The following INSL6 variants were observed in gnomAD, a reference collection of about 807,000 sequenced individuals.
INSL6 encodes insulin like 6.
In INSL6, 16 loss-of-function variants were observed where a neutral mutation model predicts 9.4. The ratio of observed to expected loss-of-function variants is 1.70; its 90% CI spans 1.15 to 2.59. The LOEUF is 2.59. INSL6 is among the 30% of genes most tolerant of loss of function. The pLI is 0.00. For missense variants in INSL6, 391 were observed against 257.3 expected, an observed-to-expected ratio of 1.52 and a Z score of -3.56; for synonymous variants, 154 against 96.9, an observed-to-expected ratio of 1.59 and a Z score of -3.46.
intron 2 of INSL6, among the ~76,000 whole-genome samples, chr9:5,156,594 T>A (rs1295140698): frequency 6.6e-6 from 1 of 152,144 alleles, no homozygotes; most frequent in Non-Finnish European, 1.5e-5. Context: ...TTCAGCTAGA[T>A]AAAATGTATC....
the INSL6 span, among the ~76,000 whole-genome samples, chr9:5,058,754 T>G: frequency 2.0e-5 from 3 of 152,196 alleles, no homozygotes; most frequent in Non-Finnish European, 2.9e-5. Context: ...AAGTAGTATC[T>G]CATTGTGATT....
the INSL6 span, among the ~76,000 whole-genome samples, chr9:5,079,771 A>G: frequency 4.6e-5 from 7 of 152,212 alleles, no homozygotes; most frequent in South Asian, 2.1e-4. Context: ...GTGAGCTGCA[A>G]TCGTGCCATT....
the INSL6 span, chr9:5,078,272 G>A: frequency 6.3e-7 from 1 of 1,585,520 alleles, no homozygotes; most frequent in African/African-American, 1.4e-5. Context: ...CTTGTGGACT[G>A]ATATTTGAAT....
chr9:5,162,586 T>C (rs944147002), downstream of INSL6, among the ~76,000 whole-genome samples: 1 of 152,224 alleles, frequency 6.6e-6, no homozygotes, highest in Non-Finnish European at 1.5e-5. Context: ...CATTTTCATC[T>C]AATGCTTAGC....
chr9:5,181,453 G>GA (rs972360133), intron 1 of INSL6, among the ~76,000 whole-genome samples: 4 of 151,822 alleles, frequency 2.6e-5, no homozygotes, highest in Admixed American at 6.6e-5. Context: ...CCTATGTAGA[G>GA]AAAAAAAGAC....
the INSL6 span, chr9:5,050,831 G>A: frequency 6.2e-7 from 1 of 1,612,416 alleles, no homozygotes; most frequent in Non-Finnish European, 8.5e-7. Context: ...AACTCTATCA[G>A]GTAATTTTCT....
downstream of INSL6, among the ~76,000 whole-genome samples, chr9:5,161,983 G>A (rs868787870): frequency 2.6e-5 from 4 of 151,952 alleles, no homozygotes; most frequent in African/African-American, 9.7e-5. Flanking sequence ...GGAGGCTGAG[G>A]TGGGAGGATC....
the INSL6 span, chr9:5,114,607 A>C: frequency 2.0e-6 from 1 of 488,656 alleles, no homozygotes; most frequent in African/African-American, 2.0e-5. Flanking sequence ...TGGCTGTACA[A>C]CGAGGTGCAG....
the INSL6 span, among the ~76,000 whole-genome samples, chr9:4,998,039 A>G: frequency 5.3e-5 from 8 of 152,200 alleles, no homozygotes; most frequent in Admixed American, 1.3e-4. Flanking sequence ...GCTTAAATTC[A>G]TACTGATTTA....
chr9:5,152,045 A>G (rs555099164), intron 2 of INSL6, among the ~76,000 whole-genome samples: 1 of 152,312 alleles, frequency 6.6e-6, no homozygotes, highest in East Asian at 1.9e-4. Flanking sequence ...AAAAAATGAT[A>G]TGCAGCTAGC....
the INSL6 span, among the ~76,000 whole-genome samples, chr9:4,994,542 A>T: frequency 6.6e-6 from 1 of 152,212 alleles, no homozygotes; most frequent in African/African-American, 2.4e-5. Context: ...TTTTCTATTA[A>T]GGATCATAAA....
Position 5,149,334 on chromosome 9 carries a change from G to A in INSL6, c.376+14845C>T, listed in dbSNP as rs139358306. 4.1e-3 allele frequency among the ~76,000 whole-genome samples: 623 copies of A among 152,220 alleles called. 6 individuals are homozygous for A. The highest frequency in any genetic ancestry group is 0.014 in the African/African-American group (600 of 41,552). On this transcript the variant is annotated intron_variant, in intron 2 of 3. Transcript: ENST00000649639. Reference sequence around the variant, plus strand: ...TTCAGTGTTTTCTTTCTGAAGATCTGTTCAAATTTTGTTGGTGTAGTCTCT... The same window carrying A: ...TTCAGTGTTTTCTTTCTGAAGATCTATTCAAATTTTGTTGGTGTAGTCTCT...
chr9:4,998,499 C>A, the INSL6 span, among the ~76,000 whole-genome samples: 3 of 152,162 alleles, frequency 2.0e-5, no homozygotes, highest in Non-Finnish European at 4.4e-5. Flanking sequence ...TCGTGATCCG[C>A]CCGCCTTGGC....
the INSL6 span, among the ~76,000 whole-genome samples, chr9:5,046,827 G>T: frequency 6.6e-6 from 1 of 152,132 alleles, no homozygotes; most frequent in Admixed American, 6.5e-5. Context: ...ACTTTCTGTT[G>T]CTTTTACGGG....
chr9:5,110,189 A>T, the INSL6 span: 1 of 152,154 alleles, frequency 6.6e-6, no homozygotes, highest in East Asian at 1.9e-4. Context: ...GCCCAACCCC[A>T]GCCTCAGCCC....
At chr9:5,172,943 A>G (rs1825216266) in intron 1 of INSL6, among the ~76,000 whole-genome samples, 1 of 152,154 alleles carries the variant, frequency 6.6e-6, no homozygotes, top group African/African-American at 2.4e-5. Context: ...AAAAAAAAAA[A>G]GAGTGGGCAA....
At chr9:5,061,396 A>G in the INSL6 span, among the ~76,000 whole-genome samples, 29 of 152,202 alleles carry the variant, frequency 1.9e-4, no homozygotes, top group Admixed American at 2.6e-4. Flanking sequence ...ATCTTCATCA[A>G]TGGTCCTTAC....
chr9:5,120,185 C>G (rs1031532694), downstream of INSL6, among the ~76,000 whole-genome samples: 1 of 152,220 alleles, frequency 6.6e-6, no homozygotes, highest in Non-Finnish European at 1.5e-5. Flanking sequence ...ACACCATGTC[C>G]TCACATGGAC....
the INSL6 span, among the ~76,000 whole-genome samples, chr9:4,995,802 G>A: frequency 2.6e-5 from 4 of 152,044 alleles, no homozygotes; most frequent in Admixed American, 2.0e-4. Flanking sequence ...CTCTATTTCT[G>A]ATTTTAAACT....
Sources: allele counts gnomAD v4.1 joint callset (sites outside exome capture counted in the v4.1 genomes callset), GRCh38; gene constraint gnomAD v4.1.1; transcripts MANE v1.5; gene names NCBI Gene and HGNC (gene_info 2026-07-23, HGNC 2026-07-21).